The following C1orf162 variants were observed in gnomAD, a reference collection of about 807,000 sequenced individuals.
The protein encoded by C1orf162 is chromosome 1 open reading frame 162, also known as transmembrane protein C1orf162.
C1orf162 carries 10 observed loss-of-function variants against 11.4 expected under a neutral mutation model. The ratio of observed to expected loss-of-function variants is 0.88; its 90% CI spans 0.54 to 1.48. The LOEUF (loss-of-function observed/expected upper bound fraction) is 1.48, where lower values mean the gene tolerates loss of function less well. C1orf162 is among the 40% of genes most tolerant of loss of function. The probability of loss-of-function intolerance (pLI) is 0.00; values close to 1 mark genes in which losing one functional copy is unlikely to be tolerated. For missense variants in C1orf162, 140 were observed against 149.5 expected (o/e 0.94, Z 0.33); for synonymous variants, 53 against 55.0 (o/e 0.96, Z 0.16).
intron 4 of C1orf162, 123 bp downstream of exon 4, chr1:111,477,551 C>T (rs1571389202): frequency 6.7e-7 from 1 of 1,487,720 alleles, no homozygotes; most frequent in Non-Finnish European, 9.3e-7. Context: ...GCTTAGCCCA[C>T]CCTGTCTGCA....
intron 1 of C1orf162, chr1:111,475,061 A>T (rs1162762179): frequency 6.6e-6 from 1 of 152,224 alleles, no homozygotes. Flanking sequence ...ATGCACAAAA[A>T]TATCTCTTTC....
chr1:111,477,698 G>T (rs140103670), intron 4 of C1orf162, 28 bp from the exon 5 acceptor site: 1 of 1,613,550 alleles, frequency 6.2e-7, no homozygotes. Flanking sequence ...GCTGAGATGG[G>T]TCCCTCTTCT....
intron 2 of C1orf162, among the ~76,000 whole-genome samples, 183 bp from the exon 3 acceptor site, chr1:111,476,615 T>G (rs1653998185): frequency 6.6e-6 from 1 of 152,198 alleles, no homozygotes; most frequent in East Asian, 1.9e-4. Flanking sequence ...TTTTAAGTTC[T>G]ATTTTTCATT....
At chr1:111,477,625 C>T (rs1419091) in intron 4 of C1orf162, 101 bp from the exon 5 acceptor site, 3 of 1,599,348 alleles carry the variant, frequency 1.9e-6, no homozygotes, top group East Asian at 2.3e-5. Flanking sequence ...GCCAACACCT[C>T]CTCCCCACCC....
In C1orf162 at chr1:111,476,782, T is replaced by C. The variant is rs1557808699; in HGVS notation, c.38-16T>C. On this transcript the variant is annotated splice_polypyrimidine_tract_variant and intron_variant, in intron 2 of 5. Coordinates refer to ENST00000369718, the MANE Select transcript of C1orf162 (RefSeq NM_001300834.2). The stretch of plus-strand genomic sequence containing the variant: ...AAAGTGACAGATACACTAATTCCTT[T>C]TGTGTTTTCTTGTAGAAAGACAAGG... The C allele has an allele frequency of 6.2e-7, 1 of 1,612,974 alleles. No homozygotes were observed. Among genetic ancestry groups the C allele is most frequent in the South Asian group, 1.1e-5 (1 of 91,056 alleles).
At position 111,477,333 on chromosome 1, in the gene C1orf162, G is replaced by A. The variant is rs2101772025; in HGVS notation, c.108-1G>A. 6.2e-7 allele frequency: 1 copy of A among 1,613,656 alleles called. No individual in the cohort carries two copies. Among genetic ancestry groups the A allele is most frequent in the Non-Finnish European group, 8.5e-7 (1 of 1,179,620 alleles). On this transcript the variant is annotated splice_acceptor_variant, in intron 3 of 5. Transcript: ENST00000369718. LOFTEE classifies it high-confidence loss of function. The stretch of plus-strand genomic sequence containing the variant: ...TCCCCTGCCTTTCTTTGCCAAAACA[G>A]CAAAAAACATTTAATCCTTGCCTTT...
In C1orf162 at chr1:111,478,308, C is replaced by A; in HGVS notation, c.*185C>A. On this transcript the variant is annotated 3_prime_UTR_variant, in exon 6 of 6. Transcript: ENST00000369718. ...GACCAATGGTCAGTCTTTTCCTGGCCAGAGGAAAGATTGATGGCCCTCCCA... is the reference window on the plus strand; with the variant it reads ...GACCAATGGTCAGTCTTTTCCTGGCAAGAGGAAAGATTGATGGCCCTCCCA... 1 of 712,828 alleles carries A rather than the reference C, an allele frequency of 1.4e-6. No homozygotes were observed. The highest frequency in any genetic ancestry group is 2.3e-6 in the Non-Finnish European group (1 of 437,210). 44.2% of individuals were successfully genotyped at this position (712,828 alleles called of 1,614,324 possible). A position where few individuals can be genotyped will look rare whatever the true frequency, so the allele number is the denominator to read the frequency against.
rs1245299782 is a variant in C1orf162 at position 111,474,003 on chromosome 1, G to A, written c.-39G>A. On this transcript the variant is annotated 5_prime_UTR_variant, in exon 1 of 6. In the 5' UTR this introduces an upstream ATG that the reference lacks. Coordinates refer to ENST00000369718, the MANE Select transcript of C1orf162 (RefSeq NM_001300834.2). ...ATGCTCAGTCTTAGACGACTGCGTC[G>A]TGCTATGACCGGACTTTTTCTTGAA... is the stretch of plus-strand genomic sequence containing the variant. 3.3e-5 allele frequency: 5 copies of A among 152,146 alleles called. No homozygotes were observed. Among genetic ancestry groups the A allele is most frequent in the Non-Finnish European group, 5.9e-5 (4 of 68,038 alleles). 9.4% of individuals were successfully genotyped at this position (152,146 alleles called of 1,614,324 possible).
intron 3 of C1orf162, 27 bp downstream of exon 3, chr1:111,476,894 C>T: frequency 6.2e-7 from 1 of 1,605,192 alleles, no homozygotes; most frequent in Non-Finnish European, 8.5e-7. Context: ...CTATCTGTTT[C>T]ATCTTGTACC....
At chr1:111,477,449 A>T in intron 4 of C1orf162, 21 bp downstream of exon 4, 3 of 1,578,720 alleles carry the variant, frequency 1.9e-6, no homozygotes, top group Non-Finnish European at 1.7e-6. Flanking sequence ...TCCAAGGGAT[A>T]GGACAGCCCT....
In C1orf162 at chr1:111,477,967, T is replaced by A; in HGVS notation, c.253-16T>A. On this transcript the variant is annotated splice_polypyrimidine_tract_variant and intron_variant, in intron 5 of 5. Coordinates refer to ENST00000369718, the MANE Select transcript of C1orf162 (RefSeq NM_001300834.2). The stretch of plus-strand genomic sequence containing the variant: ...CAGACTGGACTCACTCATTCCTCCT[T>A]TTTCTCCCTCTGCAGCTTTCATCCA... The A allele has an allele frequency of 1.2e-6, 2 of 1,614,090 alleles. No homozygotes were observed. The highest frequency in any genetic ancestry group is 1.7e-6 in the Non-Finnish European group (2 of 1,180,014).
intron 1 of C1orf162, chr1:111,475,129 T>A (rs1190047304): frequency 1.3e-5 from 2 of 152,294 alleles, no homozygotes; most frequent in South Asian, 2.1e-4. Flanking sequence ...GGGAATTTGT[T>A]AAGCAAGTTA....
At chr1:111,477,545 A>C (rs931243350) in intron 4 of C1orf162, 117 bp downstream of exon 4, 6 of 1,481,498 alleles carry the variant, frequency 4.0e-6, no homozygotes, top group Non-Finnish European at 5.6e-6. Flanking sequence ...AAACCTGCTT[A>C]GCCCACCCTG....
At chr1:111,474,231 T>C (rs1571386596) in intron 1 of C1orf162, among the ~76,000 whole-genome samples, 1 of 152,234 alleles carries the variant, frequency 6.6e-6, no homozygotes, top group African/African-American at 2.4e-5. Context: ...AAAGTATATA[T>C]AGCACCGCTT....
chr1:111,476,108 TA>T, intron 2 of C1orf162, 43 bp downstream of exon 2: 2 of 1,576,868 alleles, frequency 1.3e-6, no homozygotes, highest in South Asian at 2.2e-5. Context: ...ACGTCTGAGT[TA>T]AAATAACTAG....
chr1:111,474,845 A>G (rs1283516527), intron 1 of C1orf162: 1 of 152,140 alleles, frequency 6.6e-6, no homozygotes, highest in African/African-American at 2.4e-5. Flanking sequence ...CCTTCTCCCA[A>G]CCCTCCCACA....
intron 2 of C1orf162, among the ~76,000 whole-genome samples, 172 bp from the exon 3 acceptor site, chr1:111,476,626 T>C (rs1653998338): frequency 1.3e-5 from 2 of 152,188 alleles, no homozygotes; most frequent in Non-Finnish European, 2.9e-5. Context: ...ATTTTTCATT[T>C]AAAAGTACTT....
At chr1:111,474,193 G>A (rs1054859980) in intron 1 of C1orf162, among the ~76,000 whole-genome samples, 163 bp downstream of exon 1, 1 of 152,228 alleles carries the variant, frequency 6.6e-6, no homozygotes, top group Non-Finnish European at 1.5e-5. Flanking sequence ...CTATCAGTAA[G>A]ATTCTCCAGT....
At chr1:111,476,964 G>A in intron 3 of C1orf162, 97 bp downstream of exon 3, 1 of 1,310,380 alleles carries the variant, frequency 7.6e-7, no homozygotes, top group Non-Finnish European at 1.1e-6. Flanking sequence ...GGGAGACTGG[G>A]GAGAAAGGAC....
Sources: gnomAD v4.1 joint callset for allele counts (sites outside exome capture counted in the v4.1 genomes callset) on GRCh38, gnomAD v4.1.1 for gene constraint, MANE v1.5 for transcripts, NCBI Gene and HGNC (gene_info 2026-07-23, HGNC 2026-07-21) for gene names.